THRB: variants seen among roughly 807,000 people sequenced by gnomAD.
The protein encoded by THRB is nuclear receptor subfamily 1 group A member 2.
In THRB, 12 loss-of-function variants were observed where a neutral mutation model predicts 47.8. The observed-to-expected ratio is 0.25, with a 90% CI of 0.16 to 0.41. THRB has a LOEUF of 0.41. Among genes scored for constraint, THRB ranks in the 10% least tolerant of loss-of-function variants. The pLI, the probability that THRB is intolerant of heterozygous loss-of-function variation, is 1.00. For synonymous variants in THRB, 218 were observed against 212.2 expected (o/e 1.03, Z -0.24); for missense variants, 348 against 589.2 (o/e 0.59, Z 4.24).
chr3:24,468,331 T>C (rs890102199), intron 1 of THRB, among the ~76,000 whole-genome samples: 1 of 152,240 alleles, frequency 6.6e-6, no homozygotes, highest in Non-Finnish European at 1.5e-5. Context: ...ATGTGTTCAT[T>C]AGAGTACCAG....
At chr3:24,201,974 T>C (rs779887702) in intron 4 of THRB, among the ~76,000 whole-genome samples, 25 of 152,224 alleles carry the variant, frequency 1.6e-4, no homozygotes, top group Non-Finnish European at 2.9e-4. Context: ...TAGACTGTTA[T>C]TCTCATTTTT....
chr3:24,194,640 T>G (rs1268792977), intron 4 of THRB, among the ~76,000 whole-genome samples: 1 of 152,194 alleles, frequency 6.6e-6, no homozygotes, highest in Non-Finnish European at 1.5e-5. Context: ...TCTGATGGCT[T>G]TGATTGACAC....
At chr3:24,385,955 A>G (rs901370738) in intron 1 of THRB, among the ~76,000 whole-genome samples, 25 of 152,162 alleles carry the variant, frequency 1.6e-4, no homozygotes, top group Non-Finnish European at 2.9e-4. Flanking sequence ...GTGAAATGAC[A>G]GGATGTACAA....
chr3:24,178,615 G>A (rs1276667848), intron 5 of THRB, among the ~76,000 whole-genome samples: 3 of 152,088 alleles, frequency 2.0e-5, no homozygotes, highest in African/African-American at 7.2e-5. Context: ...ACTGTGAAAC[G>A]GTTCCAGACT....
In THRB at chr3:24,337,294, T is replaced by A. The variant is rs564896306; in HGVS notation, c.-189+6A>T. The A allele has an allele frequency of 3.3e-5, 5 of 152,196 alleles. No homozygotes were observed. The highest frequency in any genetic ancestry group is 6.5e-5 in the Admixed American group (1 of 15,280). 9.4% of individuals were successfully genotyped at this position (152,196 alleles called of 1,614,324 possible). Reference sequence around the variant, plus strand: ...AAGTCTGCAAATAGTCAAGCTGACATCTGACCTTCTTATTCATTAAATCAT... The same window carrying A: ...AAGTCTGCAAATAGTCAAGCTGACAACTGACCTTCTTATTCATTAAATCAT... On this transcript the variant is annotated splice_donor_region_variant and intron_variant, in intron 2 of 10. Coordinates refer to ENST00000646209, the MANE Select transcript of THRB (RefSeq NM_001354712.2).
At chr3:24,429,672 T>C (rs1233145037) in intron 1 of THRB, among the ~76,000 whole-genome samples, 1 of 152,020 alleles carries the variant, frequency 6.6e-6, no homozygotes, top group African/African-American at 2.4e-5. Flanking sequence ...ATGGAATTTA[T>C]TTGTGTAATT....
intron 1 of THRB, among the ~76,000 whole-genome samples, chr3:24,470,597 G>A (rs1443878121): frequency 6.6e-6 from 1 of 152,210 alleles, no homozygotes; most frequent in Non-Finnish European, 1.5e-5. Context: ...GTGAATCAAA[G>A]CCAGGTTTAT....
rs148889584 is a variant in THRB at position 24,313,811 on chromosome 3, T to G, written c.-188-16440A>C. Among the ~76,000 whole-genome samples, 395 of 152,296 alleles carry G rather than the reference T, an allele frequency of 2.6e-3. 3 individuals are homozygous for G. Among genetic ancestry groups the G allele is most frequent in the African/African-American group, 8.8e-3 (367 of 41,566 alleles). ...CTTTTTTTAAAAAAAAAAACAACTT[T>G]AAGATACCATAATATCACCTTTCAG... On this transcript the variant is annotated intron_variant, in intron 2 of 10. Coordinates refer to ENST00000646209, the MANE Select transcript of THRB (RefSeq NM_001354712.2).
At chr3:24,492,291 C>T (rs976328412) in intron 1 of THRB, among the ~76,000 whole-genome samples, 7 of 152,042 alleles carry the variant, frequency 4.6e-5, no homozygotes, top group East Asian at 1.9e-4. Context: ...AGGATACAGG[C>T]GATCAACAAG....
intron 1 of THRB, among the ~76,000 whole-genome samples, chr3:24,407,372 C>T (rs889288777): frequency 6.6e-6 from 1 of 151,474 alleles, no homozygotes; most frequent in Non-Finnish European, 1.5e-5. Context: ...AGAAATATCA[C>T]CCATATATTT....
intron 1 of THRB, among the ~76,000 whole-genome samples, chr3:24,432,562 A>C (rs4630885): frequency 0.91 from 138,847 of 152,086 alleles, 63,919 homozygotes; most frequent in Non-Finnish European, 0.97. Flanking sequence ...AAGAGCTTCC[A>C]GGGAAAGTTA....
intron 1 of THRB, among the ~76,000 whole-genome samples, chr3:24,460,879 GT>G (rs2073633801): frequency 6.6e-6 from 1 of 152,096 alleles, no homozygotes; most frequent in South Asian, 2.1e-4. Context: ...CTCTTACAGG[GT>G]TATTTGTATT....
intron 4 of THRB, among the ~76,000 whole-genome samples, chr3:24,220,445 C>A (rs2047037254): frequency 6.6e-6 from 1 of 152,258 alleles, no homozygotes; most frequent in East Asian, 1.9e-4. Flanking sequence ...GAGCTGAGAT[C>A]ATTCCACCGC....
intron 8 of THRB, among the ~76,000 whole-genome samples, chr3:24,138,605 A>G (rs1039220868): frequency 6.6e-5 from 10 of 152,212 alleles, no homozygotes; most frequent in African/African-American, 1.9e-4. Flanking sequence ...GTCTGGTTCC[A>G]ATCTCCATTC....
intron 3 of THRB, among the ~76,000 whole-genome samples, chr3:24,270,400 G>A (rs1284735287): frequency 6.6e-6 from 1 of 152,296 alleles, no homozygotes. Flanking sequence ...GGTCAGAGAT[G>A]AGCTGGAAAT....
chr3:24,397,274 G>C (rs1169510319), intron 1 of THRB, among the ~76,000 whole-genome samples: 12 of 152,042 alleles, frequency 7.9e-5, no homozygotes, highest in Non-Finnish European at 1.5e-5. Context: ...GAAAAATTTT[G>C]AAGATTAGTT....
At chr3:24,206,065 C>A (rs1266234504) in intron 4 of THRB, among the ~76,000 whole-genome samples, 1 of 152,118 alleles carries the variant, frequency 6.6e-6, no homozygotes, top group Non-Finnish European at 1.5e-5. Context: ...GACTTTAACA[C>A]CCCACCGTCA....
chr3:24,346,272 T>C (rs756603913), intron 1 of THRB, among the ~76,000 whole-genome samples: 4 of 152,058 alleles, frequency 2.6e-5, no homozygotes, highest in Non-Finnish European at 4.4e-5. Flanking sequence ...ACTTATATTA[T>C]ATACTAATAA....
At chr3:24,222,364 C>T (rs1223403989) in intron 4 of THRB, among the ~76,000 whole-genome samples, 1 of 152,070 alleles carries the variant, frequency 6.6e-6, no homozygotes, top group African/African-American at 2.4e-5. Flanking sequence ...AAAGGAAATA[C>T]ATATCGAGGA....
Sources: allele counts gnomAD v4.1 joint callset (sites outside exome capture counted in the v4.1 genomes callset), GRCh38; gene constraint gnomAD v4.1.1; transcripts MANE v1.5; gene names NCBI Gene and HGNC (gene_info 2026-07-23, HGNC 2026-07-21).